The following ATP8A2 variants were observed in gnomAD, a reference collection of about 807,000 sequenced individuals.
ATP8A2 encodes the protein phospholipid-transporting ATPase IB.
In ATP8A2, 100 loss-of-function variants were observed where a neutral mutation model predicts 165.6. The ratio of observed to expected loss-of-function variants is 0.60; its 90% CI spans 0.51 to 0.71. The LOEUF (loss-of-function observed/expected upper bound fraction) is 0.71, where lower values mean the gene tolerates loss of function less well. Among genes scored for constraint, ATP8A2 ranks in the 30% least tolerant of loss-of-function variants. The probability of loss-of-function intolerance (pLI) is 0.00; values close to 1 mark genes in which losing one functional copy is unlikely to be tolerated. For synonymous variants in ATP8A2, 543 were observed against 548.8 expected, an observed-to-expected ratio of 0.99 and a Z score of 0.15; for missense variants, 1,227 against 1,479.5, an observed-to-expected ratio of 0.83 and a Z score of 2.80.
chr13:25,619,119 C>A (rs773908697), intron 24 of ATP8A2, among the ~76,000 whole-genome samples: 1 of 152,136 alleles, frequency 6.6e-6, no homozygotes, highest in African/African-American at 2.4e-5. Context: ...CTCAGAGAGG[C>A]GAGAACGGCC....
At chr13:25,940,293 T>C (rs1955036873) in intron 33 of ATP8A2, among the ~76,000 whole-genome samples, 2 of 152,196 alleles carry the variant, frequency 1.3e-5, no homozygotes. Context: ...CCTCTGCTGA[T>C]GCTGATGCCT....
chr13:25,465,707 CTTT>C (rs1566153217), intron 1 of ATP8A2, among the ~76,000 whole-genome samples: 11 of 22,862 alleles, frequency 4.8e-4, no homozygotes, highest in African/African-American at 9.9e-4. Context: ...TTCTTTCTTT[CTTT>C]CTTTCTTTCT....
chr13:25,856,258 A>G (rs889191285), intron 30 of ATP8A2, among the ~76,000 whole-genome samples: 1 of 152,218 alleles, frequency 6.6e-6, no homozygotes. Context: ...ATGTTTTATC[A>G]TAAGAGTTTT....
At chr13:25,685,840 C>T (rs1461384213) in intron 24 of ATP8A2, among the ~76,000 whole-genome samples, 2 of 152,128 alleles carry the variant, frequency 1.3e-5, no homozygotes, top group Non-Finnish European at 2.9e-5. Flanking sequence ...TCCATGGTAA[C>T]AGGGTTTCTC....
chr13:25,448,599 A>G (rs1242184951), intron 1 of ATP8A2, among the ~76,000 whole-genome samples: 1 of 152,220 alleles, frequency 6.6e-6, no homozygotes, highest in African/African-American at 2.4e-5. Context: ...CATTTTAAAT[A>G]GCTGCATAGT....
chr13:25,773,393 G>A (rs889533020), intron 26 of ATP8A2, among the ~76,000 whole-genome samples: 8 of 152,252 alleles, frequency 5.3e-5, no homozygotes, highest in African/African-American at 9.6e-5. Context: ...TCCCTCCAGC[G>A]CAAGGTTTAC....
chr13:25,408,656 A>G (rs1257495520), intron 1 of ATP8A2, among the ~76,000 whole-genome samples: 1 of 124,308 alleles, frequency 8.0e-6, no homozygotes, highest in Non-Finnish European at 1.9e-5. Flanking sequence ...TTTATAGGTG[A>G]TCTACACTAA....
chr13:26,012,173 G>A (rs1956862856), intron 35 of ATP8A2, among the ~76,000 whole-genome samples: 1 of 152,200 alleles, frequency 6.6e-6, no homozygotes, highest in Non-Finnish European at 1.5e-5. Flanking sequence ...CCCCGTGCAG[G>A]CAGGGGGCTG....
intron 24 of ATP8A2, among the ~76,000 whole-genome samples, chr13:25,617,504 A>G (rs1479329824): frequency 6.6e-6 from 1 of 152,178 alleles, no homozygotes; most frequent in Non-Finnish European, 1.5e-5. Flanking sequence ...GTGAGTAGAA[A>G]ATGATTTGAA....
At chr13:25,910,035 A>G (rs1010702243) in intron 33 of ATP8A2, among the ~76,000 whole-genome samples, 2 of 152,124 alleles carry the variant, frequency 1.3e-5, no homozygotes, top group African/African-American at 4.8e-5. Context: ...CTGTCCCGTC[A>G]TCTGCTGCGG....
At chr13:25,487,424 G>A (rs1382678656) in intron 2 of ATP8A2, among the ~76,000 whole-genome samples, 1 of 152,210 alleles carries the variant, frequency 6.6e-6, no homozygotes, top group African/African-American at 2.4e-5. Flanking sequence ...GCTGAAGGCG[G>A]TCCTCATTTG....
chr13:25,605,695 C>T (rs1244202672), intron 24 of ATP8A2, among the ~76,000 whole-genome samples: 1 of 152,090 alleles, frequency 6.6e-6, no homozygotes, highest in East Asian at 1.9e-4. Context: ...GATTGTATCT[C>T]TAGATCAACT....
intron 33 of ATP8A2, chr13:25,867,941 A>T (rs750306048): frequency 2.8e-5 from 6 of 217,556 alleles, no homozygotes. Flanking sequence ...ATTACTTTTT[A>T]TTTGACAAGT....
At chr13:25,938,501 AC>A (rs1420509626) in intron 33 of ATP8A2, among the ~76,000 whole-genome samples, 1 of 152,228 alleles carries the variant, frequency 6.6e-6, no homozygotes. Flanking sequence ...ATTTCACATT[AC>A]CGTCTGTGGT....
chr13:25,559,400 C>T (rs1374342502), intron 14 of ATP8A2, among the ~76,000 whole-genome samples: 1 of 152,084 alleles, frequency 6.6e-6, no homozygotes, highest in African/African-American at 2.4e-5. Flanking sequence ...GGCATTGTGG[C>T]ATGTGCCTGT....
chr13:25,530,711 C>A, intron 4 of ATP8A2, 51 bp downstream of exon 4: 1 of 1,115,618 alleles, frequency 9.0e-7, no homozygotes, highest in Non-Finnish European at 1.3e-6. Flanking sequence ...TAGATAATAA[C>A]TTATGTGTTG....
At chr13:25,507,306 C>A (rs534689585) in intron 2 of ATP8A2, among the ~76,000 whole-genome samples, 1 of 150,960 alleles carries the variant, frequency 6.6e-6, no homozygotes, top group Admixed American at 6.6e-5. Context: ...TGTTCTGTCA[C>A]CCAGGCTGGA....
At chr13:25,649,981 G>A (rs77803415) in intron 24 of ATP8A2, among the ~76,000 whole-genome samples, 5,293 of 152,130 alleles carry the variant, frequency 0.035, 165 homozygotes, top group East Asian at 0.13. Flanking sequence ...GCTGTATTCC[G>A]CTGTGTTCCC....
chr13:25,624,652 A>T (rs979150500), intron 24 of ATP8A2, among the ~76,000 whole-genome samples: 7 of 152,190 alleles, frequency 4.6e-5, no homozygotes, highest in Admixed American at 4.6e-4. Flanking sequence ...TGAGGTATGT[A>T]TGTAATTATG....
Sources: allele counts gnomAD v4.1 joint callset (sites outside exome capture counted in the v4.1 genomes callset), GRCh38; gene constraint gnomAD v4.1.1; transcripts MANE v1.5; gene names NCBI Gene and HGNC (gene_info 2026-07-23, HGNC 2026-07-21).